The following NKIRAS1 variants were observed in gnomAD, a reference collection of about 807,000 sequenced individuals.
NKIRAS1 encodes the protein NF-kappa-B inhibitor-interacting Ras-like protein 1.
In NKIRAS1, 16 loss-of-function variants were observed where a neutral mutation model predicts 19.8. The observed-to-expected ratio is 0.81, with a 90% confidence interval of 0.55 to 1.23. NKIRAS1 has a LOEUF of 1.23. Among genes scored for constraint, NKIRAS1 ranks in the 50% most tolerant of loss-of-function variants. The pLI, the probability that NKIRAS1 is intolerant of heterozygous loss-of-function variation, is 0.00. For synonymous variants in NKIRAS1, 88 were observed against 79.0 expected (o/e 1.11, Z -0.61); for missense variants, 184 against 220.0 (o/e 0.84, Z 1.04).
At chr3:23,925,851 T>G (rs1705203198) in intron 1 of NKIRAS1, among the ~76,000 whole-genome samples, 1 of 152,182 alleles carries the variant, frequency 6.6e-6, no homozygotes, top group Admixed American at 6.5e-5. Context: ...TTTAGCTGTA[T>G]GCTTTTCAAT....
chr3:23,937,556 G>GTT (rs557778906), intron 1 of NKIRAS1, among the ~76,000 whole-genome samples: 4 of 144,044 alleles, frequency 2.8e-5, no homozygotes, highest in African/African-American at 1.0e-4. Context: ...TGTGTTTGAT[G>GTT]TTTTTTTTTT....
At chr3:23,902,635 A>C (rs553197970) in intron 3 of NKIRAS1, among the ~76,000 whole-genome samples, 44 of 152,288 alleles carry the variant, frequency 2.9e-4, no homozygotes, top group African/African-American at 9.1e-4. Context: ...AAGGGGGTCT[A>C]AAGTTTAGAC....
At chr3:23,894,870 T>C (rs1701826873) in intron 4 of NKIRAS1, among the ~76,000 whole-genome samples, 2 of 152,306 alleles carry the variant, frequency 1.3e-5, no homozygotes, top group South Asian at 4.1e-4. Context: ...ATCACAGAGC[T>C]GACTCATGGT....
chr3:23,890,483 A>T lies in NKIRAS1; in HGVS notation c.*2612T>A. The T allele has an allele frequency of 1.2e-6, 2 of 1,601,162 alleles. No homozygotes were observed. The highest frequency in any genetic ancestry group is 1.7e-6 in the Non-Finnish European group (2 of 1,174,532). On this transcript the variant is annotated 3_prime_UTR_variant, in exon 5 of 5. Transcript: ENST00000425478. ...TTAAAATGTTCTTTTCCTTTCTCCA[A>T]AGTAATCTACATTCTTTTCTTCCAG...
rs775176228 is a variant in NKIRAS1 at position 23,893,011 on chromosome 3, A to T, written c.*84T>A. The T allele has an allele frequency of 2.1e-5, 29 of 1,402,734 alleles. No homozygotes were observed. Among genetic ancestry groups the T allele is most frequent in the Non-Finnish European group, 2.7e-5 (29 of 1,056,126 alleles). 86.9% of individuals were successfully genotyped at this position (1,402,734 alleles called of 1,614,324 possible). A position where few individuals can be genotyped will look rare whatever the true frequency, so the allele number is the denominator to read the frequency against. On this transcript the variant is annotated 3_prime_UTR_variant, in exon 5 of 5. Coordinates refer to ENST00000425478, the MANE Select transcript of NKIRAS1 (RefSeq NM_020345.4). ...GACCAAAGGTAGATACAAATGGCCT[A>T]TTTTAAATAGTAATATTACTCCATG...
At chr3:23,912,184 T>C (rs1411916797) in intron 1 of NKIRAS1, among the ~76,000 whole-genome samples, 3 of 152,044 alleles carry the variant, frequency 2.0e-5, no homozygotes, top group Admixed American at 2.0e-4. Context: ...AAAGCCAAAA[T>C]AGACGAATGG....
chr3:23,941,436 G>T (rs1705495287), intron 1 of NKIRAS1, among the ~76,000 whole-genome samples: 1 of 152,094 alleles, frequency 6.6e-6, no homozygotes. Context: ...AAAGTAATTT[G>T]CATTTTTAAC....
chr3:23,911,466 CAAAA>C lies in NKIRAS1; in HGVS notation c.-139-20_-139-17del, dbSNP rs78780177. On this transcript the variant is annotated splice_polypyrimidine_tract_variant and intron_variant, in intron 1 of 4. Coordinates refer to ENST00000425478, the MANE Select transcript of NKIRAS1 (RefSeq NM_020345.4). The stretch of plus-strand genomic sequence containing the variant: ...TAGACTCTGTCTGAAAACAAACAAA[CAAAA>C]AAACACATGGATAGGTATGAATACA... 2,322 of 153,712 alleles carry C rather than the reference CAAAA, an allele frequency of 0.015. 28 individuals are homozygous for C. Among genetic ancestry groups the C allele is most frequent in the South Asian group, 0.05 (247 of 4,972 alleles). The allele number at this position is 153,712 out of a possible 1,614,324, so 9.5% of individuals were successfully genotyped here.
At chr3:23,946,160 G>C in intron 1 of NKIRAS1, 2 of 985,090 alleles carry the variant, frequency 2.0e-6, no homozygotes, top group Non-Finnish European at 2.4e-6. Flanking sequence ...GGAGGAGGCC[G>C]CGCGTGCGCG....
chr3:23,919,251 G>A (rs1215674727), upstream of NKIRAS1: 1 of 1,613,428 alleles, frequency 6.2e-7, no homozygotes, highest in East Asian at 2.2e-5. Flanking sequence ...TACTGGGTTG[G>A]TGAAGATTCC....
chr3:23,893,376 T>C (rs1332632710), intron 4 of NKIRAS1, 39 bp from the exon 5 acceptor site: 2 of 1,561,838 alleles, frequency 1.3e-6, no homozygotes, highest in South Asian at 2.4e-5. Flanking sequence ...ACTAGTACTT[T>C]GCCAACATCA....
In NKIRAS1 at chr3:23,890,611, G is replaced by A. The variant is rs1357288007; in HGVS notation, c.*2484C>T. 7 of 1,611,944 alleles carry A rather than the reference G, an allele frequency of 4.3e-6. No homozygotes were observed. The highest frequency in any genetic ancestry group is 5.9e-6 in the Non-Finnish European group (7 of 1,179,108). On this transcript the variant is annotated 3_prime_UTR_variant, in exon 5 of 5. Coordinates refer to ENST00000425478, the MANE Select transcript of NKIRAS1 (RefSeq NM_020345.4). ...ACCAAGAGATACGCTACATAAATTG[G>A]GGTTTCACAATTCTTACATTATTTG...
At chr3:23,894,246 A>G (rs1260520774) in intron 4 of NKIRAS1, among the ~76,000 whole-genome samples, 2 of 152,226 alleles carry the variant, frequency 1.3e-5, no homozygotes, top group African/African-American at 2.4e-5. Context: ...TAGTGCCCGT[A>G]AAGATTACAC....
intron 1 of NKIRAS1, among the ~76,000 whole-genome samples, chr3:23,935,390 A>C (rs1220465716): frequency 6.6e-6 from 1 of 151,578 alleles, no homozygotes; most frequent in East Asian, 1.9e-4. Flanking sequence ...AAAAAAAAAA[A>C]ATTGATCAAC....
intron 1 of NKIRAS1, among the ~76,000 whole-genome samples, chr3:23,943,486 C>T (rs962294552): frequency 6.6e-6 from 1 of 152,232 alleles, no homozygotes; most frequent in Non-Finnish European, 1.5e-5. Context: ...CCGCCTTGGC[C>T]TCCCAAAGTG....
At chr3:23,920,093 C>T (rs116295721), upstream of NKIRAS1, 941 of 985,682 alleles carry the variant, frequency 9.5e-4, 6 homozygotes, top group African/African-American at 0.015. Context: ...GTTGAATGTG[C>T]GATAAAATTA....
At chr3:23,941,796 G>C (rs892673809) in intron 1 of NKIRAS1, among the ~76,000 whole-genome samples, 1 of 152,082 alleles carries the variant, frequency 6.6e-6, no homozygotes, top group Non-Finnish European at 1.5e-5. Context: ...TAGGAAGAAG[G>C]CAGCCTCTAA....
Position 23,900,158 on chromosome 3 carries a change from T to C in NKIRAS1, c.336+650A>G, listed in dbSNP as rs78915388. On this transcript the variant is annotated intron_variant, in intron 4 of 4. Transcript: ENST00000425478. ...GCCTGGGTGAAAGAGAGAGACTCAG[T>C]CTCAAAAAAAACAAAAACAAAAACC... Among the ~76,000 whole-genome samples, 905 of 150,826 alleles carry C rather than the reference T, an allele frequency of 6.0e-3. 17 individuals carry two copies. Among genetic ancestry groups the C allele is most frequent in the East Asian group, 0.051 (256 of 5,068 alleles).
intron 1 of NKIRAS1, among the ~76,000 whole-genome samples, chr3:23,913,735 C>G (rs1016640843): frequency 6.6e-6 from 1 of 152,076 alleles, no homozygotes; most frequent in East Asian, 1.9e-4. Context: ...CCAGTTCCTG[C>G]GAAATATACA....
Sources: allele counts gnomAD v4.1 joint callset (sites outside exome capture counted in the v4.1 genomes callset), GRCh38; gene constraint gnomAD v4.1.1; transcripts MANE v1.5; gene names NCBI Gene and HGNC (gene_info 2026-07-23, HGNC 2026-07-21).